Variants in MAPK14 observed in about 807,000 individuals in gnomAD.
MAPK14 encodes mitogen-activated protein kinase 14.
In MAPK14, 16 loss-of-function variants were observed where a neutral mutation model predicts 49.6. The ratio of observed to expected loss-of-function variants is 0.32; its 90% CI spans 0.22 to 0.49. The LOEUF (loss-of-function observed/expected upper bound fraction) is 0.49, where lower values mean the gene tolerates loss of function less well. MAPK14 is among the 20% of genes least tolerant of loss of function. MAPK14 has a pLI of 0.99. For synonymous variants in MAPK14, 142 were observed against 158.0 expected, an observed-to-expected ratio of 0.90 and a Z score of 0.76; for missense variants, 200 against 441.2, an observed-to-expected ratio of 0.45 and a Z score of 4.90.
At position 36,088,143 on chromosome 6, in the gene MAPK14, C is replaced by G. The variant is rs544324913; in HGVS notation, c.683-7844C>G. Among the ~76,000 whole-genome samples the G allele has an allele frequency of 8.2e-4, 124 of 152,138 alleles. 1 individual carries two copies. The South Asian group carries it at 0.025, about 31-fold the overall frequency. The stretch of plus-strand genomic sequence containing the variant: ...AAATTAACTCAAGATGGATTAAAGA[C>G]TTAAATGTAGAACCCAAAACGATAA... On this transcript the variant is annotated intron_variant, in intron 8 of 11. Coordinates refer to ENST00000229794, the MANE Select transcript of MAPK14 (RefSeq NM_139012.3).
At chr6:36,115,890 T>C, downstream of MAPK14, among the ~76,000 whole-genome samples, 1 of 144,212 alleles carries the variant, frequency 6.9e-6, no homozygotes, top group South Asian at 2.1e-4. Context: ...ATCATGCCAC[T>C]GCACTCCAGC....
intron 8 of MAPK14, among the ~76,000 whole-genome samples, chr6:36,079,112 T>C (rs571072303): frequency 6.6e-6 from 1 of 152,170 alleles, no homozygotes; most frequent in East Asian, 1.9e-4. Context: ...TCTCTATTCA[T>C]TTTTTTTGAA....
At chr6:36,095,018 G>A (rs539321334) in intron 8 of MAPK14, among the ~76,000 whole-genome samples, 18 of 152,282 alleles carry the variant, frequency 1.2e-4, no homozygotes, top group African/African-American at 4.3e-4. Context: ...ATGTCAGTCA[G>A]TATAAACGTG....
chr6:36,116,387 A>C, the MAPK14 span, among the ~76,000 whole-genome samples: 2 of 152,016 alleles, frequency 1.3e-5, no homozygotes, highest in Non-Finnish European at 2.9e-5. Flanking sequence ...AGCCTGGAGA[A>C]CTTTTTTATT....
chr6:36,084,770 G>A (rs1242357379), intron 8 of MAPK14, among the ~76,000 whole-genome samples: 1 of 152,158 alleles, frequency 6.6e-6, no homozygotes, highest in African/African-American at 2.4e-5. Context: ...TCAGCCAGGA[G>A]AACTTCCCCA....
chr6:36,116,993 CTT>C, the MAPK14 span, among the ~76,000 whole-genome samples: 1 of 152,126 alleles, frequency 6.6e-6, no homozygotes, highest in African/African-American at 2.4e-5. Flanking sequence ...AGACAATCCT[CTT>C]TTGGTTTTTT....
intron 1 of MAPK14, among the ~76,000 whole-genome samples, chr6:36,047,832 T>G (rs1464575265): frequency 6.6e-6 from 1 of 151,350 alleles, no homozygotes; most frequent in Non-Finnish European, 1.5e-5. Flanking sequence ...ACCTCCCTGG[T>G]TCAAGCAATT....
chr6:36,121,624 G>A, the MAPK14 span, among the ~76,000 whole-genome samples: 3 of 152,198 alleles, frequency 2.0e-5, no homozygotes, highest in Admixed American at 2.0e-4. Context: ...ACCTGTGCTC[G>A]GGCTGACAGT....
intron 8 of MAPK14, among the ~76,000 whole-genome samples, chr6:36,089,974 T>A (rs1055162496): frequency 1.3e-5 from 2 of 152,238 alleles, no homozygotes; most frequent in African/African-American, 4.8e-5. Context: ...CTTTTCTCCA[T>A]AATCAAGTGA....
intron 4 of MAPK14, chr6:36,073,226 A>G: frequency 2.0e-6 from 1 of 504,876 alleles, no homozygotes; most frequent in Non-Finnish European, 3.6e-6. Context: ...GCAAGTCTAG[A>G]CATTATATAA....
At chr6:36,049,063 G>A (rs1763295717) in intron 1 of MAPK14, among the ~76,000 whole-genome samples, 1 of 152,176 alleles carries the variant, frequency 6.6e-6, no homozygotes, top group South Asian at 2.1e-4. Flanking sequence ...ATAGACTCCA[G>A]GATGGACAGT....
chr6:36,074,131 A>G (rs368163500), intron 6 of MAPK14, 35 bp downstream of exon 6: 54 of 1,572,882 alleles, frequency 3.4e-5, no homozygotes, highest in African/African-American at 8.1e-5. Flanking sequence ...TGTTTGCTTT[A>G]CTTTGAGATT....
chr6:36,051,233 A>G (rs976558828), intron 1 of MAPK14, among the ~76,000 whole-genome samples: 1 of 151,428 alleles, frequency 6.6e-6, no homozygotes, highest in Admixed American at 6.6e-5. Flanking sequence ...CTCCTGCCTC[A>G]GCCTCCTGAG....
At chr6:36,090,467 C>T (rs1410271529) in intron 8 of MAPK14, among the ~76,000 whole-genome samples, 1 of 151,510 alleles carries the variant, frequency 6.6e-6, no homozygotes. Flanking sequence ...CCTTGGCCTA[C>T]CAAAATGTTG....
chr6:36,118,397 G>T, the MAPK14 span, among the ~76,000 whole-genome samples: 1 of 152,204 alleles, frequency 6.6e-6, no homozygotes, highest in Non-Finnish European at 1.5e-5. Context: ...ATGGGAAAAG[G>T]CAGTGGTAAA....
intron 8 of MAPK14, among the ~76,000 whole-genome samples, chr6:36,084,424 C>T (rs944577660): frequency 1.3e-5 from 2 of 152,132 alleles, no homozygotes; most frequent in African/African-American, 4.8e-5. Flanking sequence ...CATGTTCTAA[C>T]CCAATGCAAA....
At chr6:36,073,625 G>A (rs1764397627) in intron 4 of MAPK14, 66 bp from the exon 5 acceptor site, 2 of 1,289,500 alleles carry the variant, frequency 1.6e-6, no homozygotes, top group South Asian at 1.3e-5. Context: ...AAAATGTGCA[G>A]CAAATATGTT....
chr6:36,047,201 G>A (rs905653691), intron 1 of MAPK14, among the ~76,000 whole-genome samples: 1 of 152,344 alleles, frequency 6.6e-6, no homozygotes, highest in African/African-American at 2.4e-5. Context: ...TGAGGGTGTT[G>A]TGACAGAGTA....
At chr6:36,077,896 C>T (rs1220477336) in intron 8 of MAPK14, among the ~76,000 whole-genome samples, 1 of 152,166 alleles carries the variant, frequency 6.6e-6, no homozygotes, top group Non-Finnish European at 1.5e-5. Flanking sequence ...CATACTTCCC[C>T]CTTTCCTCAG....
Sources: gnomAD v4.1 joint callset for allele counts (sites outside exome capture counted in the v4.1 genomes callset) on GRCh38, gnomAD v4.1.1 for gene constraint, MANE v1.5 for transcripts, NCBI Gene and HGNC (gene_info 2026-07-23, HGNC 2026-07-21) for gene names.